GPR158: variants seen among roughly 807,000 people sequenced by gnomAD.
The protein encoded by GPR158 is G protein-coupled receptor 158.
Under a neutral mutation model 78.2 loss-of-function variants are expected in GPR158, and 30 were observed. That is an observed-to-expected ratio of 0.38 (90% confidence interval 0.29 to 0.52). The LOEUF (loss-of-function observed/expected upper bound fraction) is 0.52. Among genes scored for constraint, GPR158 ranks in the 20% least tolerant of loss-of-function variants. GPR158 has a pLI of 0.83. For missense variants in GPR158, 1,463 were observed against 1,523.5 expected (o/e 0.96, Z 0.66); for synonymous variants, 581 against 591.1 (o/e 0.98, Z 0.25).
chr10:25,449,115 T>C (rs574740373), intron 4 of GPR158, among the ~76,000 whole-genome samples: 8 of 152,318 alleles, frequency 5.3e-5, no homozygotes, highest in African/African-American at 1.9e-4. Flanking sequence ...TTGTCTACTT[T>C]TTGGGATTTG....
At chr10:25,269,388 T>C (rs1443799165) in intron 2 of GPR158, among the ~76,000 whole-genome samples, 3 of 152,202 alleles carry the variant, frequency 2.0e-5, no homozygotes, top group Non-Finnish European at 4.4e-5. Flanking sequence ...AACAGAATGG[T>C]AAAATGAATT....
At chr10:25,448,260 A>ATT (rs1014190731) in intron 4 of GPR158, among the ~76,000 whole-genome samples, 80 of 142,418 alleles carry the variant, frequency 5.6e-4, no homozygotes, top group Admixed American at 1.8e-3. Context: ...AATTTTTTGT[A>ATT]TTTTTTTTTT....
At chr10:25,574,597 C>T (rs533573254) in intron 7 of GPR158, among the ~76,000 whole-genome samples, 1 of 152,154 alleles carries the variant, frequency 6.6e-6, no homozygotes, top group South Asian at 2.1e-4. Context: ...TTTATAAGAA[C>T]AGTGAAGGTC....
At chr10:25,393,819 G>T (rs1417942486) in intron 2 of GPR158, 1 of 152,216 alleles carries the variant, frequency 6.6e-6, no homozygotes, top group Non-Finnish European at 1.5e-5. Flanking sequence ...GGTGGCAGAT[G>T]TTGCAGCCGG....
At chr10:25,368,027 T>G (rs1192078793) in intron 2 of GPR158, among the ~76,000 whole-genome samples, 1 of 151,918 alleles carries the variant, frequency 6.6e-6, no homozygotes, top group Non-Finnish European at 1.5e-5. Flanking sequence ...TTTTTGAGAA[T>G]AGCTTTCAAC....
intron 2 of GPR158, among the ~76,000 whole-genome samples, chr10:25,272,075 T>G (rs749812835): frequency 1.3e-5 from 2 of 152,184 alleles, no homozygotes; most frequent in Non-Finnish European, 2.9e-5. Context: ...CTCAAAGGGT[T>G]GCTGTCTGAA....
intron 2 of GPR158, among the ~76,000 whole-genome samples, chr10:25,229,450 A>C (rs555063907): frequency 6.6e-6 from 1 of 152,326 alleles, no homozygotes; most frequent in African/African-American, 2.4e-5. Flanking sequence ...TAATTTTAAC[A>C]CTAACGATGG....
chr10:25,557,897 T>C (rs187080447), intron 6 of GPR158, among the ~76,000 whole-genome samples: 7 of 152,344 alleles, frequency 4.6e-5, no homozygotes, highest in African/African-American at 1.7e-4. Context: ...AAAATCAGAA[T>C]GTAGTTCACT....
chr10:25,311,771 C>T (rs1854768611), intron 2 of GPR158, among the ~76,000 whole-genome samples: 1 of 151,912 alleles, frequency 6.6e-6, no homozygotes, highest in Non-Finnish European at 1.5e-5. Context: ...CAGAATATTC[C>T]AAATGTTCAT....
At chr10:25,468,113 G>A (rs1419146481) in intron 5 of GPR158, among the ~76,000 whole-genome samples, 2 of 152,186 alleles carry the variant, frequency 1.3e-5, no homozygotes, top group South Asian at 2.1e-4. Context: ...CCTCTTCTCA[G>A]CATGTAGCTA....
chr10:25,192,772 AG>A (rs1249935038), intron 1 of GPR158, among the ~76,000 whole-genome samples: 2 of 151,956 alleles, frequency 1.3e-5, no homozygotes, highest in Admixed American at 6.6e-5. Context: ...AATAAAAAAA[AG>A]GTAGAAAAAT....
chr10:25,397,237 C>T (rs934889917), intron 3 of GPR158, among the ~76,000 whole-genome samples: 1 of 152,174 alleles, frequency 6.6e-6, no homozygotes, highest in Non-Finnish European at 1.5e-5. Context: ...TTATTTTATT[C>T]CTACTCCAGA....
chr10:25,306,372 G>T (rs560347048), intron 2 of GPR158, among the ~76,000 whole-genome samples: 2 of 152,188 alleles, frequency 1.3e-5, no homozygotes, highest in Non-Finnish European at 2.9e-5. Flanking sequence ...CTGCCTTCGT[G>T]CATTATTCCA....
chr10:25,566,558 G>C (rs1239280107), intron 6 of GPR158, among the ~76,000 whole-genome samples: 1 of 151,934 alleles, frequency 6.6e-6, no homozygotes, highest in Non-Finnish European at 1.5e-5. Flanking sequence ...AAAAAAGGAA[G>C]GTGAGAAAAA....
chr10:25,201,114 T>C (rs562136673), intron 1 of GPR158, among the ~76,000 whole-genome samples: 2 of 152,288 alleles, frequency 1.3e-5, no homozygotes, highest in East Asian at 1.9e-4. Context: ...ATTTTAACAA[T>C]ATTGATTCTT....
At chr10:25,474,452 C>A (rs1052437886) in intron 5 of GPR158, among the ~76,000 whole-genome samples, 4 of 152,052 alleles carry the variant, frequency 2.6e-5, no homozygotes, top group African/African-American at 9.7e-5. Context: ...GGCTAATTAG[C>A]ATATAGTCAT....
intron 9 of GPR158, 138 bp downstream of exon 9, chr10:25,594,535 G>A (rs1386508168): frequency 4.3e-6 from 2 of 467,650 alleles, no homozygotes; most frequent in South Asian, 4.0e-5. Context: ...TCAGGAAACT[G>A]GCTGTTTTCT....
intron 2 of GPR158, among the ~76,000 whole-genome samples, chr10:25,248,470 C>G (rs1359525995): frequency 1.3e-5 from 2 of 150,736 alleles, no homozygotes; most frequent in Non-Finnish European, 3.0e-5. Context: ...AATCTTTAAT[C>G]CATCTTGAAT....
intron 7 of GPR158, among the ~76,000 whole-genome samples, chr10:25,578,138 T>C (rs557627921): frequency 3.6e-4 from 55 of 152,340 alleles, no homozygotes; most frequent in Middle Eastern, 6.8e-3. Flanking sequence ...ATTATATGAC[T>C]CAGTACCCTG....
Sources: allele counts gnomAD v4.1 joint callset (sites outside exome capture counted in the v4.1 genomes callset), GRCh38; gene constraint gnomAD v4.1.1; transcripts MANE v1.5; gene names NCBI Gene and HGNC (gene_info 2026-07-23, HGNC 2026-07-21).